The following C11orf21 variants were observed in gnomAD, a reference collection of about 807,000 sequenced individuals.
The protein encoded by C11orf21 is uncharacterized protein C11orf21.
A neutral mutation model predicts 15.2 loss-of-function variants in C11orf21; 19 were observed. The observed-to-expected ratio is 1.25, with a 90% CI of 0.87 to 1.84. The LOEUF (loss-of-function observed/expected upper bound fraction) is 1.84. Ranked by LOEUF, C11orf21 falls within the 40% of genes most tolerant of loss-of-function variation. C11orf21 has a pLI of 0.00. For synonymous variants in C11orf21, 62 were observed against 66.8 expected, an observed-to-expected ratio of 0.93 and a Z score of 0.35; for missense variants, 171 against 174.4, an observed-to-expected ratio of 0.98 and a Z score of 0.11.
intron 1 of C11orf21, 78 bp downstream of exon 1, chr11:2,301,678 A>T (rs1255948931): frequency 8.6e-7 from 1 of 1,158,388 alleles, no homozygotes; most frequent in Non-Finnish European, 1.2e-6. Context: ...TTCCAAGGAG[A>T]CCCCATCCAA....
At chr11:2,302,997 T>G (rs1847852648), upstream of C11orf21, 2 of 1,574,506 alleles carry the variant, frequency 1.3e-6, no homozygotes, top group African/African-American at 2.7e-5. Flanking sequence ...GGGAGGGGCC[T>G]CGGGTGCAAG....
Position 2,299,502 on chromosome 11 carries a change from C to A in C11orf21, c.353G>T (p.Gly118Val). Residue 118 changes from glycine (G) to valine (V), a missense_variant, in exon 3 of 4, where the codon GGA (glycine) becomes GTA (valine). Coordinates refer to ENST00000381153, the MANE Select transcript of C11orf21 (RefSeq NM_001329958.2). ...CCTCCTGGCCCGAGGACACAGCTTT[C>A]CAGAGGAGGGGCCTGCTTCTAAGTC... ...DLDLEAGPSS[G>V]KLCPRARRWQ... 1 of 1,550,498 alleles carries A rather than the reference C, an allele frequency of 6.4e-7. No homozygotes were observed. Among genetic ancestry groups the A allele is most frequent in the Non-Finnish European group, 8.7e-7 (1 of 1,146,974 alleles).
At chr11:2,302,786 A>G, upstream of C11orf21, 1 of 1,465,728 alleles carries the variant, frequency 6.8e-7, no homozygotes, top group African/African-American at 1.4e-5. Flanking sequence ...GCTGGGGCCG[A>G]GCTCCCTGCT....
At chr11:2,298,090 C>T (rs1381509976) in intron 3 of C11orf21, among the ~76,000 whole-genome samples, 169 bp from the exon 4 acceptor site, 1 of 152,200 alleles carries the variant, frequency 6.6e-6, no homozygotes, top group Admixed American at 6.5e-5. Context: ...GGGCTTCAAC[C>T]TATGAATTTT....
upstream of C11orf21, chr11:2,302,762 C>A: frequency 1.7e-6 from 2 of 1,171,828 alleles, no homozygotes; most frequent in Non-Finnish European, 2.5e-6. Context: ...CTGGAGAGAG[C>A]CCCAACCCTG....
At chr11:2,302,946 G>C (rs962413702), upstream of C11orf21, 17 of 1,613,344 alleles carry the variant, frequency 1.1e-5, no homozygotes, top group South Asian at 2.2e-5. Context: ...GTACCAGGCT[G>C]TGCACCAATG....
At chr11:2,299,245 G>T (rs1456943404) in intron 3 of C11orf21, among the ~76,000 whole-genome samples, 183 bp downstream of exon 3, 1 of 152,198 alleles carries the variant, frequency 6.6e-6, no homozygotes, top group Non-Finnish European at 1.5e-5. Context: ...TCAGAATCAG[G>T]GCAAAGGACA....
Position 2,299,668 on chromosome 11 carries a change from G to T in C11orf21, c.187C>A (p.Pro63Thr), listed in dbSNP as rs1394359909. ...GSMMPPAAAQPSAHGALVPPA... is the reference protein window; with the variant it reads ...GSMMPPAAAQTSAHGALVPPA... ...GGAACAAGGGCACCATGGGCGGAGG[G>T]TTGGGCAGCTGCAGGTGGCATCATT... Residue 63 changes from proline to threonine, a missense_variant, in exon 3 of 4, where the codon CCC (proline) becomes ACC (threonine). Pro to Thr is a conservative substitution (Grantham distance 38, BLOSUM62 -1). Coordinates refer to ENST00000381153, the MANE Select transcript of C11orf21 (RefSeq NM_001329958.2). 2 of 1,551,032 alleles carry T rather than the reference G, an allele frequency of 1.3e-6. No homozygotes were observed. Among genetic ancestry groups the T allele is most frequent in the Admixed American group, 3.9e-5 (2 of 50,952 alleles).
At chr11:2,302,763 C>T (rs1247535354), upstream of C11orf21, 1 of 1,192,174 alleles carries the variant, frequency 8.4e-7, no homozygotes, top group East Asian at 2.5e-5. Flanking sequence ...TGGAGAGAGC[C>T]CCAACCCTGC....
intron 3 of C11orf21, among the ~76,000 whole-genome samples, chr11:2,298,275 G>C (rs4929976): frequency 0.19 from 29,171 of 152,216 alleles, 2,939 homozygotes; most frequent in African/African-American, 0.26. Context: ...GGGCCCTGAC[G>C]CTTGAGCATC....
At chr11:2,298,139 G>C (rs1847572661) in intron 3 of C11orf21, among the ~76,000 whole-genome samples, 1 of 152,188 alleles carries the variant, frequency 6.6e-6, no homozygotes, top group Admixed American at 6.5e-5. Context: ...CACTGACACT[G>C]AACCCGCCTC....
At chr11:2,298,990 A>G (rs1847601977) in intron 3 of C11orf21, among the ~76,000 whole-genome samples, 1 of 152,192 alleles carries the variant, frequency 6.6e-6, no homozygotes. Context: ...GCCATGCCCC[A>G]GAAACTCCCT....
chr11:2,299,002 G>A (rs1010457012), intron 3 of C11orf21, among the ~76,000 whole-genome samples: 4 of 152,216 alleles, frequency 2.6e-5, no homozygotes, highest in African/African-American at 9.6e-5. Context: ...AAACTCCCTT[G>A]GTTGGGAGCA....
chr11:2,299,253 A>G (rs1318383955), intron 3 of C11orf21, among the ~76,000 whole-genome samples, 175 bp downstream of exon 3: 2 of 152,166 alleles, frequency 1.3e-5, no homozygotes, highest in Admixed American at 6.5e-5. Flanking sequence ...AGGGCAAAGG[A>G]CAGACATGAG....
At chr11:2,303,085 G>GGA, upstream of C11orf21, 1 of 786,746 alleles carries the variant, frequency 1.3e-6, no homozygotes, top group Non-Finnish European at 2.0e-6. Flanking sequence ...GAGGTGGTCA[G>GGA]GGGCAGGGAG....
upstream of C11orf21, chr11:2,302,318 C>A: frequency 8.2e-7 from 1 of 1,217,590 alleles, no homozygotes; most frequent in Non-Finnish European, 1.1e-6. Context: ...GACACACACA[C>A]CAGCCCTACT....
chr11:2,301,669 T>C, intron 1 of C11orf21, 87 bp downstream of exon 1: 1 of 1,104,338 alleles, frequency 9.1e-7, no homozygotes, highest in Non-Finnish European at 1.3e-6. Context: ...ATAATGATGT[T>C]CCAAGGAGAC....
chr11:2,298,892 G>C (rs1444060892), intron 3 of C11orf21, among the ~76,000 whole-genome samples: 1 of 99,852 alleles, frequency 1.0e-5, no homozygotes, highest in African/African-American at 4.4e-5. Context: ...TAGGCTCCTT[G>C]GGGGGGGAAG....
At chr11:2,298,891 T>TC (rs1554936412) in intron 3 of C11orf21, among the ~76,000 whole-genome samples, 4 of 151,574 alleles carry the variant, frequency 2.6e-5, no homozygotes, top group African/African-American at 9.7e-5. Flanking sequence ...CTAGGCTCCT[T>TC]GGGGGGGGAA....
Sources: allele counts gnomAD v4.1 joint callset (sites outside exome capture counted in the v4.1 genomes callset), GRCh38; gene constraint gnomAD v4.1.1; transcripts MANE v1.5; gene names NCBI Gene and HGNC (gene_info 2026-07-23, HGNC 2026-07-21).